The following ZFYVE9 variants were observed in gnomAD, a reference collection of about 807,000 sequenced individuals.
The protein encoded by ZFYVE9 is zinc finger FYVE domain-containing protein 9.
ZFYVE9 carries 43 observed loss-of-function variants against 126.7 expected under a neutral mutation model. The ratio of observed to expected loss-of-function variants is 0.34; its 90% CI spans 0.27 to 0.44. The LOEUF (loss-of-function observed/expected upper bound fraction) is 0.44. ZFYVE9 is among the 20% of genes least tolerant of loss of function. The pLI, the probability that ZFYVE9 is intolerant of heterozygous loss-of-function variation, is 1.00. For missense variants in ZFYVE9, 1,476 were observed against 1,697.0 expected, an observed-to-expected ratio of 0.87 and a Z score of 2.29; for synonymous variants, 521 against 597.4, an observed-to-expected ratio of 0.87 and a Z score of 1.87.
intron 4 of ZFYVE9, among the ~76,000 whole-genome samples, chr1:52,255,031 G>A (rs1645490425): frequency 2.0e-5 from 3 of 151,632 alleles, no homozygotes; most frequent in South Asian, 2.1e-4. Context: ...GGTCGAGGCT[G>A]CAGTGAGCCA....
At position 52,142,437 on chromosome 1, in the gene ZFYVE9, G is replaced by GCCTCCCGCCGCCCGCCC. The variant is rs1644267358; in HGVS notation, c.-143+34_-143+35insCCTCCCGCCGCCCGCCC. ...GGCGCGGCGTGGTCCGGGGCTCGCC[G>GCCTCCCGCCGCCCGCCC]GCCTCCCGCCGCCTGTGGGGGCCCT... On this transcript the variant is annotated intron_variant, in intron 1 of 18. Transcript: ENST00000287727. The surrounding 1 kb of genome is among the most constrained non-coding windows in gnomAD (Gnocchi z 4.5). 1 of 151,942 alleles carries GCCTCCCGCCGCCCGCCC rather than the reference G, an allele frequency of 6.6e-6. No homozygotes were observed. The highest frequency in any genetic ancestry group is 1.5e-5 in the Non-Finnish European group (1 of 67,992). 9.4% of individuals were successfully genotyped at this position (151,942 alleles called of 1,614,324 possible). A position where few individuals can be genotyped will look rare whatever the true frequency, so the allele number is the denominator to read the frequency against.
intron 1 of ZFYVE9, among the ~76,000 whole-genome samples, chr1:52,176,825 C>T (rs191833296): frequency 1.5e-4 from 23 of 152,264 alleles, no homozygotes; most frequent in South Asian, 6.2e-4. Context: ...CCTGGTGCGC[C>T]GTTTCCTAAG....
At chr1:52,180,334 T>C in intron 1 of ZFYVE9, 13 of 1,571,728 alleles carry the variant, frequency 8.3e-6, no homozygotes, top group Middle Eastern at 2.3e-4. Context: ...CCCATGATAT[T>C]TGTTTACGTG....
intron 1 of ZFYVE9, chr1:52,162,958 G>A: frequency 2.1e-6 from 1 of 472,990 alleles, no homozygotes; most frequent in Non-Finnish European, 4.0e-6. Context: ...AGGAGTTCCT[G>A]TTGGAGATTT....
At chr1:52,263,952 C>A in intron 5 of ZFYVE9, 80 bp downstream of exon 5, 3 of 831,900 alleles carry the variant, frequency 3.6e-6, no homozygotes, top group Non-Finnish European at 5.5e-6. Context: ...TTTCCCCCTG[C>A]CTTTCTTTAC....
chr1:52,346,160 A>G lies in ZFYVE9; in HGVS notation c.4217A>G (p.Gln1406Arg). 1 of 1,613,142 alleles carries G rather than the reference A, an allele frequency of 6.2e-7. No homozygotes were observed. Among genetic ancestry groups the G allele is most frequent in the South Asian group, 1.1e-5 (1 of 90,990 alleles). The change falls in exon 19 of 19, where the codon CAG (glutamine) becomes CGG (arginine). Residue 1406 changes from glutamine to arginine, a missense_variant. This residue lies in a region of ZFYVE9 where 669 missense variants were observed against 902.4 expected (regional missense o/e 0.74). Coordinates refer to ENST00000287727, the MANE Select transcript of ZFYVE9 (RefSeq NM_004799.4). ...LVPVIHGGAC[Q>R]LSEGPVVMEL... ...CCGGTGATCCATGGAGGGGCCTGCCAGCTTAGTGAGGGCCCCGTTGTCATG... is the reference window on the plus strand; with the variant it reads ...CCGGTGATCCATGGAGGGGCCTGCCGGCTTAGTGAGGGCCCCGTTGTCATG...
At chr1:52,234,377 C>T (rs563617812) in intron 3 of ZFYVE9, among the ~76,000 whole-genome samples, 3 of 152,174 alleles carry the variant, frequency 2.0e-5, no homozygotes, top group Non-Finnish European at 4.4e-5. Flanking sequence ...GGGAGAATCA[C>T]TTGAGCCCTA....
chr1:52,272,671 A>ATTTTTTTTTTTTTT (rs1645704660), intron 7 of ZFYVE9, among the ~76,000 whole-genome samples: 4 of 134,850 alleles, frequency 3.0e-5, no homozygotes, highest in African/African-American at 1.0e-4. Flanking sequence ...GCTAGAAATA[A>ATTTTTTTTTTTTTT]TCTTTTTTTT....
At chr1:52,151,117 C>T (rs748428616) in intron 1 of ZFYVE9, among the ~76,000 whole-genome samples, 14 of 152,018 alleles carry the variant, frequency 9.2e-5, no homozygotes, top group Admixed American at 2.6e-4. Context: ...TGGCATACAG[C>T]CTTCATGATT....
chr1:52,203,506 T>G (rs571708943), intron 1 of ZFYVE9, among the ~76,000 whole-genome samples: 2 of 148,936 alleles, frequency 1.3e-5, no homozygotes, highest in Non-Finnish European at 3.0e-5. Flanking sequence ...ATTAAAAAAA[T>G]TTTTTTTTAT....
At chr1:52,233,449 C>G (rs906277534) in intron 3 of ZFYVE9, among the ~76,000 whole-genome samples, 173 bp downstream of exon 3, 14 of 152,148 alleles carry the variant, frequency 9.2e-5, no homozygotes, top group Non-Finnish European at 1.8e-4. Flanking sequence ...ATGCCAGATA[C>G]TTAAAATCCC....
At chr1:52,176,300 G>A (rs967894973) in intron 1 of ZFYVE9, among the ~76,000 whole-genome samples, 1 of 152,182 alleles carries the variant, frequency 6.6e-6, no homozygotes, top group African/African-American at 2.4e-5. Context: ...AGTGGTGGCT[G>A]TAGAACAGCG....
chr1:52,271,173 T>C (rs1645688400), intron 7 of ZFYVE9, among the ~76,000 whole-genome samples: 1 of 152,200 alleles, frequency 6.6e-6, no homozygotes, highest in Non-Finnish European at 1.5e-5. Context: ...AAACTATAAA[T>C]ATTTTTGAAA....
chr1:52,291,280 A>G (rs1488812776), intron 10 of ZFYVE9, among the ~76,000 whole-genome samples: 1 of 152,230 alleles, frequency 6.6e-6, no homozygotes, highest in Non-Finnish European at 1.5e-5. Flanking sequence ...CTGTCAGGAT[A>G]CCTGTCCGCT....
intron 16 of ZFYVE9, among the ~76,000 whole-genome samples, chr1:52,339,441 A>T (rs1436034697): frequency 6.6e-6 from 1 of 152,018 alleles, no homozygotes; most frequent in Non-Finnish European, 1.5e-5. Context: ...GGCATGTACC[A>T]CTATTGCCTG....
At chr1:52,288,939 A>G (rs1394597165) in intron 10 of ZFYVE9, among the ~76,000 whole-genome samples, 1 of 150,812 alleles carries the variant, frequency 6.6e-6, no homozygotes, top group Non-Finnish European at 1.5e-5. Context: ...AAAAAAAAAA[A>G]AAAAAAAGAA....
chr1:52,345,078 C>T lies in ZFYVE9; in HGVS notation c.4116+134C>T, dbSNP rs1569797388. 4 of 955,446 alleles carry T rather than the reference C, an allele frequency of 4.2e-6. No individual in the cohort carries two copies. The East Asian group carries it at 1.0e-4, about 24-fold the overall frequency. The allele number at this position is 955,446 out of a possible 1,614,324, so 59.2% of individuals were successfully genotyped here. On this transcript the variant is annotated intron_variant, in intron 18 of 18. Coordinates refer to ENST00000287727, the MANE Select transcript of ZFYVE9 (RefSeq NM_004799.4). ...CCTGACTGGATATAGTGTTTTTGGC[C>T]CTCTCTTTAATAGTACTATACCCAC...
intron 1 of ZFYVE9, among the ~76,000 whole-genome samples, chr1:52,200,817 G>T (rs1393081993): frequency 6.6e-6 from 1 of 152,098 alleles, no homozygotes; most frequent in Non-Finnish European, 1.5e-5. Context: ...CTATATTTGT[G>T]TGTGTCTTTT....
At chr1:52,208,886 C>T (rs1238829280) in intron 1 of ZFYVE9, among the ~76,000 whole-genome samples, 1 of 152,130 alleles carries the variant, frequency 6.6e-6, no homozygotes, top group Non-Finnish European at 1.5e-5. Context: ...ATAGTAAGTA[C>T]ATTGAAGTTT....
Sources: gnomAD v4.1 joint callset for allele counts (sites outside exome capture counted in the v4.1 genomes callset) on GRCh38, gnomAD v4.1.1 for gene constraint, gnomAD v4.1.1 regional missense constraint, Gnocchi (gnomAD v3.1) non-coding constraint, MANE v1.5 for transcripts, NCBI Gene and HGNC (gene_info 2026-07-23, HGNC 2026-07-21) for gene names.